DST: variants seen among roughly 807,000 people sequenced by gnomAD.
The protein encoded by DST is dystonin.
Under a neutral mutation model 875.2 loss-of-function variants are expected in DST, and 253 were observed. The ratio of observed to expected loss-of-function variants is 0.29; its 90% CI spans 0.26 to 0.32. The LOEUF (loss-of-function observed/expected upper bound fraction) is 0.32. Ranked by LOEUF, DST falls within the 10% of genes least tolerant of loss-of-function variation. The probability of loss-of-function intolerance (pLI) is 1.00; values close to 1 mark genes in which losing one functional copy is unlikely to be tolerated. For missense variants in DST, 8,287 were observed against 9,111.6 expected (o/e 0.91, Z 3.68); for synonymous variants, 3,124 against 3,197.1 (o/e 0.98, Z 0.77).
intron 2 of DST, among the ~76,000 whole-genome samples, chr6:56,925,692 C>G (rs1462892195): frequency 6.6e-6 from 1 of 152,150 alleles, no homozygotes; most frequent in Non-Finnish European, 1.5e-5. Context: ...AAACATAATC[C>G]CAAGTTCTCT....
At position 56,625,542 on chromosome 6, in the gene DST, C is replaced by T. The variant is rs148514598; in HGVS notation, c.4723-278G>A. The stretch of plus-strand genomic sequence containing the variant: ...AAAAATACCTATCGCCTAGTGATGT[C>T]GTGGCACAATGCATTACTCACGTTT... On this transcript the variant is annotated intron_variant, in intron 34 of 103. Coordinates refer to ENST00000680361, the MANE Select transcript of DST (RefSeq NM_001374736.1). Among the ~76,000 whole-genome samples, 403 of 152,080 alleles carry T rather than the reference C, an allele frequency of 2.6e-3. 3 individuals carry two copies. Among genetic ancestry groups the T allele is most frequent in the African/African-American group, 9.2e-3 (382 of 41,496 alleles).
At chr6:56,616,437 T>C in intron 36 of DST, 1 of 1,614,114 alleles carries the variant, frequency 6.2e-7, no homozygotes. Flanking sequence ...CCTGTTTTAG[T>C]ATCTACTACA....
At chr6:56,784,824 T>G (rs750834059) in intron 4 of DST, among the ~76,000 whole-genome samples, 3 of 152,232 alleles carry the variant, frequency 2.0e-5, no homozygotes, top group Non-Finnish European at 4.4e-5. Flanking sequence ...TTTCCAGTTT[T>G]TCTGCTCTGT....
chr6:56,548,654 G>T (rs1354874105), intron 61 of DST, among the ~76,000 whole-genome samples: 1 of 152,124 alleles, frequency 6.6e-6, no homozygotes, highest in Admixed American at 6.6e-5. Context: ...GAGACAAACA[G>T]AATCGCCCTG....
chr6:56,633,912 A>G (rs1297687532), intron 27 of DST, among the ~76,000 whole-genome samples: 1 of 152,198 alleles, frequency 6.6e-6, no homozygotes, highest in East Asian at 1.9e-4. Flanking sequence ...CCTATCTCAC[A>G]GTAAGTTCTG....
chr6:56,838,534 T>A (rs1279050671), intron 4 of DST, among the ~76,000 whole-genome samples: 1 of 151,936 alleles, frequency 6.6e-6, no homozygotes, highest in African/African-American at 2.4e-5. Flanking sequence ...TCCAAATTGT[T>A]CAAATACAAA....
intron 82 of DST, among the ~76,000 whole-genome samples, chr6:56,496,163 A>G (rs984240683): frequency 3.3e-5 from 5 of 152,204 alleles, no homozygotes; most frequent in African/African-American, 1.2e-4. Context: ...AATCTGAAAC[A>G]CTGTTTCCTC....
intron 3 of DST, among the ~76,000 whole-genome samples, chr6:56,872,996 C>T (rs1460974885): frequency 6.6e-6 from 1 of 152,096 alleles, no homozygotes; most frequent in African/African-American, 2.4e-5. Context: ...TCCCTGAATA[C>T]CTGCTAGCAT....
At chr6:56,780,409 A>T (rs2099690682) in intron 4 of DST, among the ~76,000 whole-genome samples, 2 of 150,968 alleles carry the variant, frequency 1.3e-5, no homozygotes, top group South Asian at 4.2e-4. Context: ...CTTTTTAATG[A>T]TTGCCATTCT....
At chr6:56,848,078 T>G (rs2127570402) in intron 4 of DST, among the ~76,000 whole-genome samples, 1 of 152,350 alleles carries the variant, frequency 6.6e-6, no homozygotes, top group East Asian at 1.9e-4. Flanking sequence ...AATATATTAT[T>G]GCTAACTATA....
At chr6:56,511,429 T>C in intron 72 of DST, 29 bp from the exon 73 acceptor site, 1 of 1,561,070 alleles carries the variant, frequency 6.4e-7, no homozygotes, top group Non-Finnish European at 8.7e-7. Flanking sequence ...CTTTTCAGTA[T>C]CTCAGGGTCA....
chr6:56,487,224 T>C lies in DST; in HGVS notation c.20927A>G (p.Asn6976Ser), dbSNP rs1200343754. ...CTCCTTCAGAGAACGTCCAGTCCTG[T>C]TGGTGGTGTCGTAGACAGAATGCTT... is the stretch of plus-strand genomic sequence containing the variant. ...GAKHSVYDTT[N>S]RTGRSLKEKT... The change falls in exon 87 of 104, where the codon AAC becomes AGC. Residue 6976 changes from asparagine to serine, a missense_variant. Physicochemically the swap from Asn to Ser is conservative, Grantham distance 46. Coordinates refer to ENST00000680361, the MANE Select transcript of DST (RefSeq NM_001374736.1). The C allele has an allele frequency of 6.2e-7, 1 of 1,612,250 alleles. No homozygotes were observed. The highest frequency in any genetic ancestry group is 1.3e-5 in the African/African-American group (1 of 74,878).
chr6:56,648,498 C>G, intron 13 of DST, 72 bp downstream of exon 13: 1 of 1,381,768 alleles, frequency 7.2e-7, no homozygotes, highest in Non-Finnish European at 9.5e-7. Flanking sequence ...TCTAAAATTA[C>G]AGAATTATTA....
chr6:56,489,159 A>G (rs2095659133), intron 86 of DST, among the ~76,000 whole-genome samples: 1 of 152,228 alleles, frequency 6.6e-6, no homozygotes, highest in African/African-American at 2.4e-5. Context: ...AAAGTACAGG[A>G]AAAGACAGCT....
At position 56,555,347 on chromosome 6, in the gene DST, G is replaced by C. The variant is rs1203975455; in HGVS notation, c.15134C>G (p.Ala5045Gly). ...ATATGTATTAAAAGTAGACAAACCT[G>C]CTTTCTGTTCAACATCCTTAAATGA... ...LKSFKDVEQK[A>G]ENHVQHLQSA... The change falls in exon 60 of 104, where the codon GCA (alanine) becomes GGA (glycine). Residue 5045 changes from alanine (A) to glycine (G), a missense_variant and splice_region_variant. Around this residue, in one of 10 missense-constraint regions of DST, gnomAD observed 1,513 missense variants for 1,677.8 expected, o/e 0.90. Transcript: ENST00000680361. The C allele has an allele frequency of 6.4e-7, 1 of 1,569,748 alleles. No individual in the cohort carries two copies. The highest frequency in any genetic ancestry group is 1.8e-5 in the Admixed American group (1 of 54,480).
At chr6:56,762,075 C>T (rs761764786) in intron 4 of DST, among the ~76,000 whole-genome samples, 5 of 151,850 alleles carry the variant, frequency 3.3e-5, no homozygotes, top group Non-Finnish European at 5.9e-5. Flanking sequence ...GACTGGAGTG[C>T]AATGGTGAAA....
intron 36 of DST, chr6:56,620,289 T>G: frequency 6.2e-7 from 1 of 1,614,208 alleles, no homozygotes; most frequent in Non-Finnish European, 8.5e-7. Flanking sequence ...AGTGTTCGTC[T>G]GGTAAAGGTG....
chr6:56,754,854 T>C (rs1269318567), intron 4 of DST, among the ~76,000 whole-genome samples: 1 of 152,162 alleles, frequency 6.6e-6, no homozygotes, highest in Non-Finnish European at 1.5e-5. Flanking sequence ...CTTTAGTTCA[T>C]AAGTCCTGAA....
intron 55 of DST, among the ~76,000 whole-genome samples, chr6:56,567,139 C>T (rs1486834536): frequency 6.6e-5 from 10 of 152,178 alleles, no homozygotes; most frequent in Non-Finnish European, 2.9e-5. Flanking sequence ...AGTAAACTAA[C>T]AGTTCACTTT....
Sources: gnomAD v4.1 joint callset for allele counts (sites outside exome capture counted in the v4.1 genomes callset) on GRCh38, gnomAD v4.1.1 for gene constraint, gnomAD v4.1.1 regional missense constraint, MANE v1.5 for transcripts, NCBI Gene and HGNC (gene_info 2026-07-23, HGNC 2026-07-21) for gene names.